The following VTI1A variants were observed in gnomAD, a reference collection of about 807,000 sequenced individuals.
VTI1A encodes the protein vesicle transport through interaction with t-SNAREs homolog 1A.
VTI1A carries 22 observed loss-of-function variants against 34.9 expected under a neutral mutation model. The ratio of observed to expected loss-of-function variants is 0.63; its 90% CI spans 0.45 to 0.90. The LOEUF (loss-of-function observed/expected upper bound fraction) is 0.90. VTI1A is among the 40% of genes least tolerant of loss of function. VTI1A has a pLI of 0.00. For missense variants in VTI1A, 268 were observed against 275.6 expected (o/e 0.97, Z 0.20); for synonymous variants, 87 against 97.3 (o/e 0.89, Z 0.62).
the VTI1A span, among the ~76,000 whole-genome samples, chr10:112,849,927 C>G: frequency 6.6e-6 from 1 of 152,198 alleles, no homozygotes; most frequent in South Asian, 2.1e-4. Flanking sequence ...AAGGGGAGAG[C>G]TGGGAAGGGG....
chr10:112,685,500 C>T (rs953777249), intron 7 of VTI1A, among the ~76,000 whole-genome samples: 3 of 152,078 alleles, frequency 2.0e-5, no homozygotes, highest in Non-Finnish European at 4.4e-5. Flanking sequence ...CTTGAAGTCT[C>T]GCTGGTTCTT....
At position 112,499,417 on chromosome 10, in the gene VTI1A, CATT is replaced by C. The variant is rs375824086; in HGVS notation, c.265-27669_265-27667del. ...CATCTTAATGTTTGCATTTTCATGT[CATT>C]GTTGTTTTGACTTGTCATCTCTTTA... On this transcript the variant is annotated intron_variant, in intron 3 of 7. Transcript: ENST00000393077. Among the ~76,000 whole-genome samples the C allele has an allele frequency of 1.8e-3, 271 of 152,216 alleles. 1 individual carries two copies. Among genetic ancestry groups the C allele is most frequent in the African/African-American group, 6.3e-3 (262 of 41,544 alleles).
the VTI1A span, among the ~76,000 whole-genome samples, chr10:112,840,854 G>T: frequency 1.3e-5 from 2 of 152,178 alleles, no homozygotes; most frequent in African/African-American, 2.4e-5. Context: ...TTTTGCCTGG[G>T]TTCAAATCCC....
intron 5 of VTI1A, among the ~76,000 whole-genome samples, chr10:112,665,930 G>C (rs1479664343): frequency 6.6e-6 from 1 of 152,052 alleles, no homozygotes; most frequent in East Asian, 1.9e-4. Flanking sequence ...ATCTGAACAG[G>C]AGAAAATCTG....
intron 7 of VTI1A, among the ~76,000 whole-genome samples, chr10:112,687,173 A>C (rs1848442742): frequency 6.6e-6 from 1 of 151,594 alleles, no homozygotes; most frequent in Non-Finnish European, 1.5e-5. Flanking sequence ...GCAAGGATGA[A>C]ATCAAACTTC....
intron 5 of VTI1A, among the ~76,000 whole-genome samples, chr10:112,647,950 G>T (rs548976358): frequency 3.6e-4 from 55 of 151,862 alleles, no homozygotes; most frequent in Non-Finnish European, 7.5e-4. Context: ...TTCTATTTTT[G>T]GTAGAGACCA....
chr10:112,627,905 T>C (rs1348655674), intron 5 of VTI1A, among the ~76,000 whole-genome samples: 1 of 151,910 alleles, frequency 6.6e-6, no homozygotes, highest in East Asian at 1.9e-4. Flanking sequence ...TTCCAGGGGG[T>C]TCTACTTGAC....
At chr10:112,636,096 G>A (rs1037282490) in intron 5 of VTI1A, among the ~76,000 whole-genome samples, 1 of 152,222 alleles carries the variant, frequency 6.6e-6, no homozygotes, top group African/African-American at 2.4e-5. Context: ...CTGCAAGGGA[G>A]AGAGATCCGA....
chr10:112,566,151 G>T (rs1851896317), intron 5 of VTI1A, among the ~76,000 whole-genome samples: 1 of 151,932 alleles, frequency 6.6e-6, no homozygotes, highest in Non-Finnish European at 1.5e-5. Context: ...AAATTAGTAT[G>T]TTTTTTTCTA....
intron 5 of VTI1A, among the ~76,000 whole-genome samples, chr10:112,601,240 G>A (rs942149576): frequency 6.6e-6 from 1 of 151,920 alleles, no homozygotes; most frequent in Non-Finnish European, 1.5e-5. Context: ...AAGGTACAGA[G>A]GCAGAAAAGT....
At chr10:112,702,501 C>G (rs1849044072) in intron 7 of VTI1A, among the ~76,000 whole-genome samples, 2 of 152,158 alleles carry the variant, frequency 1.3e-5, no homozygotes, top group Admixed American at 1.3e-4. Context: ...CTCACTGAAA[C>G]CTCCACCTCC....
At chr10:112,513,828 TATCA>T (rs1324042009) in intron 3 of VTI1A, among the ~76,000 whole-genome samples, 1 of 152,058 alleles carries the variant, frequency 6.6e-6, no homozygotes, top group African/African-American at 2.4e-5. Context: ...TAATATGTTG[TATCA>T]CATTTATTGA....
chr10:112,477,757 C>T (rs921819271), intron 3 of VTI1A, among the ~76,000 whole-genome samples: 1 of 152,172 alleles, frequency 6.6e-6, no homozygotes, highest in Non-Finnish European at 1.5e-5. Flanking sequence ...TTGTTAATCT[C>T]TTCTGAATTT....
chr10:112,841,840 A>G, the VTI1A span, among the ~76,000 whole-genome samples: 1 of 152,046 alleles, frequency 6.6e-6, no homozygotes, highest in Admixed American at 6.6e-5. Context: ...TGATAATTCT[A>G]TCGCTCCGCA....
At chr10:112,825,438 G>A in the VTI1A span, 1 of 152,246 alleles carries the variant, frequency 6.6e-6, no homozygotes, top group South Asian at 2.1e-4. Context: ...GGACTCTGCG[G>A]GGGTGAGCCT....
At chr10:112,768,772 C>G (rs1027132988) in intron 7 of VTI1A, among the ~76,000 whole-genome samples, 1 of 152,178 alleles carries the variant, frequency 6.6e-6, no homozygotes, top group Non-Finnish European at 1.5e-5. Context: ...AGTATTAGAT[C>G]ATTATTAAAT....
intron 7 of VTI1A, among the ~76,000 whole-genome samples, chr10:112,780,264 C>T (rs1852079889): frequency 6.9e-6 from 1 of 144,364 alleles, no homozygotes; most frequent in South Asian, 2.2e-4. Flanking sequence ...GAGCAAGACC[C>T]TGTCTCTAAA....
chr10:112,711,806 C>G (rs11196070), intron 7 of VTI1A, among the ~76,000 whole-genome samples: 36,997 of 152,168 alleles, frequency 0.24, 8,700 homozygotes, highest in African/African-American at 0.61. Context: ...ACCAGATCGA[C>G]GCTACAGTTT....
intron 7 of VTI1A, among the ~76,000 whole-genome samples, chr10:112,757,037 C>A (rs1234797428): frequency 9.3e-5 from 12 of 129,122 alleles, no homozygotes; most frequent in East Asian, 7.0e-4. Flanking sequence ...CAGAGTGAGA[C>A]CTTGCCTCAA....
Sources: allele counts gnomAD v4.1 joint callset (sites outside exome capture counted in the v4.1 genomes callset), GRCh38; gene constraint gnomAD v4.1.1; transcripts MANE v1.5; gene names NCBI Gene and HGNC (gene_info 2026-07-23, HGNC 2026-07-21).